Variants in RAB7B observed in about 807,000 individuals in gnomAD.
RAB7B encodes the protein ras-related protein Rab-7b.
chr1:205,991,413 G>A (rs999509302), intron 4 of RAB7B, among the ~76,000 whole-genome samples: 4 of 152,212 alleles, frequency 2.6e-5, no homozygotes, highest in East Asian at 3.8e-4. Context: ...CCGATGACTC[G>A]TAGATCTCTA....
chr1:205,978,729 C>T lies in RAB7B; in HGVS notation c.*122G>A, dbSNP rs951598724. On this transcript the variant is annotated 3_prime_UTR_variant, in exon 6 of 6. Transcript: ENST00000617070. Reference sequence around the variant, plus strand: ...AAGGGCTCTGCCGCAGAGCTTAGGCCCCCTGCACTGTGCTTGGGCAGGCAG... The same window carrying T: ...AAGGGCTCTGCCGCAGAGCTTAGGCTCCCTGCACTGTGCTTGGGCAGGCAG... 1.8e-5 allele frequency: 7 copies of T among 395,560 alleles called. No homozygotes were observed. The highest frequency in any genetic ancestry group is 4.1e-5 in the African/African-American group (2 of 48,542). The allele number at this position is 395,560 out of a possible 1,614,324, so 24.5% of individuals were successfully genotyped here.
chr1:205,985,685 A>C lies in RAB7B; in HGVS notation c.397-20T>G. 1 of 385,994 alleles carries C rather than the reference A, an allele frequency of 2.6e-6. No individual in the cohort carries two copies. Among genetic ancestry groups the C allele is most frequent in the Non-Finnish European group, 4.6e-6 (1 of 219,032 alleles). 23.9% of individuals were successfully genotyped at this position (385,994 alleles called of 1,614,324 possible). ...GGGTACCTGAATGAGGGAAAGAAAT[A>C]GGCGTGGTGTCTGTATTATCATCGC... is the stretch of plus-strand genomic sequence containing the variant. On this transcript the variant is annotated intron_variant, in intron 4 of 5. Coordinates refer to ENST00000617070, the MANE Select transcript of RAB7B (RefSeq NM_001164522.3).
rs936776059 is a variant in RAB7B, at chr1:205,978,807, G to A, written c.*44C>T. ...TCTCAAGCCTGGGGTGACCAGGCTC[G>A]GGGCAGGCTCTGTTTCTGGGCTTCC... On this transcript the variant is annotated 3_prime_UTR_variant, in exon 6 of 6. Coordinates refer to ENST00000617070, the MANE Select transcript of RAB7B (RefSeq NM_001164522.3). 4.8e-5 allele frequency: 19 copies of A among 398,590 alleles called. No homozygotes were observed. The highest frequency in any genetic ancestry group is 1.3e-4 in the South Asian group (1 of 7,840). The allele number at this position is 398,590 out of a possible 1,614,324, so 24.7% of individuals were successfully genotyped here. A position where few individuals can be genotyped will look rare whatever the true frequency, so the allele number is the denominator to read the frequency against.
At chr1:206,002,852 C>T (rs993436868) in intron 1 of RAB7B, among the ~76,000 whole-genome samples, 29 of 152,330 alleles carry the variant, frequency 1.9e-4, no homozygotes, top group Admixed American at 1.1e-3. Flanking sequence ...AACACAATTC[C>T]ATCCCAGAAG....
chr1:205,980,931 C>T (rs1660481606), intron 5 of RAB7B, among the ~76,000 whole-genome samples: 1 of 149,686 alleles, frequency 6.7e-6, no homozygotes, highest in Non-Finnish European at 1.5e-5. Context: ...GACAGGGTCT[C>T]ACTCCTGTGG....
rs1660396634 is a variant in RAB7B at position 205,977,207 on chromosome 1, C to G, written c.*1644G>C. On this transcript the variant is annotated 3_prime_UTR_variant, in exon 6 of 6. Coordinates refer to ENST00000617070, the MANE Select transcript of RAB7B (RefSeq NM_001164522.3). ...GGGCATGGACTTGGCCATTGAAGAC[C>G]CTGAGAGGACATCTTGTCCACCCTC... The G allele has an allele frequency of 6.6e-6, 1 of 152,174 alleles. No homozygotes were observed. Among genetic ancestry groups the G allele is most frequent in the South Asian group, 2.1e-4 (1 of 4,834 alleles). The allele number at this position is 152,174 out of a possible 1,614,324, so 9.4% of individuals were successfully genotyped here. A position where few individuals can be genotyped will look rare whatever the true frequency, so the allele number is the denominator to read the frequency against.
At chr1:205,997,057 C>T (rs1181687014) in intron 1 of RAB7B, among the ~76,000 whole-genome samples, 1 of 152,218 alleles carries the variant, frequency 6.6e-6, no homozygotes, top group Non-Finnish European at 1.5e-5. Flanking sequence ...ATTTGAAGCT[C>T]TACTCAGAGC....
chr1:205,979,527 C>T (rs1319682354), intron 5 of RAB7B, among the ~76,000 whole-genome samples: 1 of 152,306 alleles, frequency 6.6e-6, no homozygotes, highest in Non-Finnish European at 1.5e-5. Flanking sequence ...GCTGGCTCCA[C>T]TTCTCACCAA....
intron 4 of RAB7B, among the ~76,000 whole-genome samples, chr1:205,985,957 A>T (rs916667633): frequency 4.6e-5 from 7 of 152,358 alleles, no homozygotes; most frequent in Admixed American, 3.3e-4. Context: ...TGGAGAAAAA[A>T]AACTTGCCCA....
In RAB7B at chr1:205,993,501, A is replaced by C. The variant is rs1193661881; in HGVS notation, c.99T>G (p.Phe33Leu). 1 of 398,634 alleles carries C rather than the reference A, an allele frequency of 2.5e-6. No homozygotes were observed. The highest frequency in any genetic ancestry group is 4.4e-5 in the Admixed American group (1 of 22,726). The allele number at this position is 398,634 out of a possible 1,614,324, so 24.7% of individuals were successfully genotyped here. A position where few individuals can be genotyped will look rare whatever the true frequency, so the allele number is the denominator to read the frequency against. ...CCAGTGTGGTCTGGTATTCCTCATA[A>C]AACGTCTTGTGCACATATTGGTGAA... Reference protein sequence around the residue: ...SLLHQYVHKTFYEEYQTTLGA... With the variant: ...SLLHQYVHKTLYEEYQTTLGA... The change falls in exon 3 of 6, where the codon TTT becomes TTG. Residue 33 changes from phenylalanine (F) to leucine (L), a missense_variant. Physicochemically the swap from Phe to Leu is conservative, Grantham distance 22. Coordinates refer to ENST00000617070, the MANE Select transcript of RAB7B (RefSeq NM_001164522.3).
intron 4 of RAB7B, among the ~76,000 whole-genome samples, chr1:205,986,735 A>G (rs1660615238): frequency 1.3e-5 from 2 of 152,176 alleles, no homozygotes; most frequent in Admixed American, 6.5e-5. Flanking sequence ...GGAAGGGGAA[A>G]TGACCACATA....
At chr1:205,983,485 A>C (rs1038603748) in intron 5 of RAB7B, among the ~76,000 whole-genome samples, 5 of 152,072 alleles carry the variant, frequency 3.3e-5, no homozygotes, top group African/African-American at 1.2e-4. Flanking sequence ...TGGATGTCTC[A>C]CTCTACTGAC....
chr1:205,980,430 A>G (rs1410982505), intron 5 of RAB7B, among the ~76,000 whole-genome samples: 1 of 152,264 alleles, frequency 6.6e-6, no homozygotes, highest in Non-Finnish European at 1.5e-5. Flanking sequence ...CAAAACCTCC[A>G]GGCCATAATT....
chr1:206,002,553 A>G, intron 1 of RAB7B, among the ~76,000 whole-genome samples: 1 of 152,326 alleles, frequency 6.6e-6, no homozygotes, highest in East Asian at 1.9e-4. Context: ...ACAAGTTACT[A>G]TCTCCGTGGG....
At position 205,994,047 on chromosome 1, in the gene RAB7B, G is replaced by T. The variant is rs1249026289; in HGVS notation, c.53+36C>A. 10 of 398,482 alleles carry T rather than the reference G, an allele frequency of 2.5e-5. No homozygotes were observed. The Admixed American group carries it at 3.1e-4, about 12-fold the overall frequency. 24.7% of individuals were successfully genotyped at this position (398,482 alleles called of 1,614,324 possible). ...AGGTCTCACTGTCCTTGGGTGAGGG[G>T]CTGCTTCCCAACTCCCAGAGCTGAG... On this transcript the variant is annotated intron_variant, in intron 2 of 5. Transcript: ENST00000617070.
Position 205,985,660 on chromosome 1 carries a change from G to A in RAB7B, c.402C>T (p.Pro134=), listed in dbSNP as rs915491402. 132 of 399,554 alleles carry A rather than the reference G, an allele frequency of 3.3e-4. 3 individuals carry two copies. In the South Asian group the frequency reaches 0.015, roughly 45 times the overall value. The allele number at this position is 399,554 out of a possible 1,614,324, so 24.8% of individuals were successfully genotyped here. A position where few individuals can be genotyped will look rare whatever the true frequency, so the allele number is the denominator to read the frequency against. Residue 134 remains proline, a synonymous_variant, in exon 5 of 6, where the codon CCC becomes CCT. Transcript: ENST00000617070. ...NKIDLADRKV[P]QEVAQGWCRE... is the part of the protein sequence containing the mutation. ...TACACCAGCCTTGAGCTACTTCCTG[G>A]GGTACCTGAATGAGGGAAAGAAATA...
In RAB7B at chr1:205,997,331, G is replaced by A. The variant is rs960648499; in HGVS notation, c.-16-3180C>T. Among the ~76,000 whole-genome samples, 498 of 152,314 alleles carry A rather than the reference G, an allele frequency of 3.3e-3. 5 individuals are homozygous for A. The highest frequency in any genetic ancestry group is 0.011 in the African/African-American group (441 of 41,576). ...CACCAGAGAGAAAGTACACAGCACC[G>A]CAGGAGAGGCACAGGGAAAGTGCTT... On this transcript the variant is annotated intron_variant, in intron 1 of 5. Transcript: ENST00000617070.
At chr1:205,994,499 G>A (rs912289488) in intron 1 of RAB7B, 125 of 163,648 alleles carry the variant, frequency 7.6e-4, no homozygotes, top group South Asian at 5.9e-3. Flanking sequence ...AGCCAGGGAT[G>A]GAGGGGCATG....
intron 4 of RAB7B, 121 bp from the exon 5 acceptor site, chr1:205,985,786 A>ACCATCCCCC: frequency 3.1e-6 from 1 of 322,466 alleles, no homozygotes; most frequent in Non-Finnish European, 5.4e-6. Context: ...CATCATCCCC[A>ACCATCCCCC]CCAGGCCCAC....
Sources: gnomAD v4.1 joint callset for allele counts (sites outside exome capture counted in the v4.1 genomes callset) on GRCh38, gnomAD v4.1.1 for gene constraint, MANE v1.5 for transcripts, NCBI Gene and HGNC (gene_info 2026-07-23, HGNC 2026-07-21) for gene names.